Variants in DZIP3 observed in about 807,000 individuals in gnomAD.
DZIP3 encodes E3 ubiquitin-protein ligase DZIP3.
DZIP3 carries 118 observed loss-of-function variants against 162.0 expected under a neutral mutation model. The observed-to-expected ratio is 0.73, with a 90% CI of 0.63 to 0.85. The LOEUF (loss-of-function observed/expected upper bound fraction) is 0.85, where lower values mean the gene tolerates loss of function less well. Ranked by LOEUF, DZIP3 falls within the 40% of genes least tolerant of loss-of-function variation. DZIP3 has a pLI of 0.00. For missense variants in DZIP3, 1,331 were observed against 1,407.0 expected, an observed-to-expected ratio of 0.95 and a Z score of 0.86; for synonymous variants, 438 against 458.6, an observed-to-expected ratio of 0.96 and a Z score of 0.57.
At chr3:108,596,261 C>T (rs1425906017) in intron 1 of DZIP3, among the ~76,000 whole-genome samples, 2 of 152,106 alleles carry the variant, frequency 1.3e-5, no homozygotes, top group Non-Finnish European at 2.9e-5. Flanking sequence ...TCAGCCTTTT[C>T]GTGGAGAGGG....
intron 31 of DZIP3, among the ~76,000 whole-genome samples, 184 bp downstream of exon 31, chr3:108,689,108 T>G (rs1944599830): frequency 6.6e-6 from 1 of 152,182 alleles, no homozygotes; most frequent in East Asian, 1.9e-4. Flanking sequence ...TGCATTGTGC[T>G]CTCTCAGATC....
At chr3:108,676,242 G>C (rs1944104802) in intron 25 of DZIP3, among the ~76,000 whole-genome samples, 1 of 152,048 alleles carries the variant, frequency 6.6e-6, no homozygotes, top group African/African-American at 2.4e-5. Flanking sequence ...TGAGCCAGGT[G>C]CTCACGGTTA....
At chr3:108,691,002 A>G in intron 32 of DZIP3, 99 bp downstream of exon 32, 2 of 938,220 alleles carry the variant, frequency 2.1e-6, no homozygotes, top group Non-Finnish European at 3.2e-6. Flanking sequence ...GTGCTAAAGA[A>G]GCCAGCTAAT....
intron 19 of DZIP3, among the ~76,000 whole-genome samples, chr3:108,657,411 T>C (rs1034153064): frequency 3.9e-5 from 6 of 152,074 alleles, no homozygotes; most frequent in Non-Finnish European, 8.8e-5. Flanking sequence ...AAAGGAGAAA[T>C]AAAATCCTTT....
chr3:108,661,119 G>C (rs1315903758), intron 19 of DZIP3, among the ~76,000 whole-genome samples: 1 of 152,152 alleles, frequency 6.6e-6, no homozygotes, highest in Non-Finnish European at 1.5e-5. Flanking sequence ...ATTTGACCCA[G>C]CCATCCCATT....
chr3:108,691,592 G>T (rs1270173820), intron 32 of DZIP3, among the ~76,000 whole-genome samples: 5 of 152,072 alleles, frequency 3.3e-5, no homozygotes, highest in Non-Finnish European at 7.4e-5. Flanking sequence ...TCTAGAATGA[G>T]GGTCTTATGA....
At chr3:108,626,092 C>G in intron 7 of DZIP3, 123 bp downstream of exon 7, 1 of 1,132,942 alleles carries the variant, frequency 8.8e-7, no homozygotes, top group Non-Finnish European at 1.2e-6. Flanking sequence ...TCCTTTTCTT[C>G]TTTGCCTATT....
chr3:108,642,851 T>G (rs1199401480), intron 13 of DZIP3, among the ~76,000 whole-genome samples: 2 of 152,092 alleles, frequency 1.3e-5, no homozygotes, highest in Non-Finnish European at 2.9e-5. Flanking sequence ...AGCATTAGAG[T>G]ACCCTTACAT....
intron 10 of DZIP3, 111 bp downstream of exon 10, chr3:108,635,083 T>C: frequency 5.1e-6 from 3 of 591,110 alleles, no homozygotes. Context: ...TGCTTTTTAC[T>C]TCCTCCTTTT....
At position 108,669,742 on chromosome 3, in the gene DZIP3, A is replaced by G. The variant is rs148945728; in HGVS notation, c.2485A>G (p.Met829Val). 108 of 1,610,308 alleles carry G rather than the reference A, an allele frequency of 6.7e-5. No homozygotes were observed. The highest frequency in any genetic ancestry group is 8.6e-5 in the Non-Finnish European group (101 of 1,177,680). The stretch of plus-strand genomic sequence containing the variant: ...CAAGAACCTTAAAGAGCAACTTTCT[A>G]TGAAAAGGTACAAACTTAGCTTTTT... ...EIKNLKEQLS[M>V]KRSQWEMEKH... Residue 829 changes from methionine to valine, a missense_variant, in exon 22 of 33, where the codon ATG (methionine) becomes GTG (valine). By Grantham distance (21) the Met-to-Val change is conservative. This residue lies in a region of DZIP3 where 1,278 missense variants were observed against 1,317.1 expected (regional missense o/e 0.97). Transcript: ENST00000361582.
intron 21 of DZIP3, among the ~76,000 whole-genome samples, chr3:108,667,657 A>G (rs1943738510): frequency 6.6e-6 from 1 of 152,124 alleles, no homozygotes; most frequent in African/African-American, 2.4e-5. Context: ...GAAAGGATAC[A>G]TGGGTTCTTT....
chr3:108,620,324 G>A (rs1419869235), intron 5 of DZIP3, among the ~76,000 whole-genome samples: 1 of 152,162 alleles, frequency 6.6e-6, no homozygotes, highest in Non-Finnish European at 1.5e-5. Flanking sequence ...AATCCCAGGT[G>A]CTCAGCATAA....
At chr3:108,689,991 C>T (rs1447447780) in intron 31 of DZIP3, among the ~76,000 whole-genome samples, 1 of 152,134 alleles carries the variant, frequency 6.6e-6, no homozygotes, top group African/African-American at 2.4e-5. Flanking sequence ...GAAGATACAT[C>T]CACAAAATGC....
intron 8 of DZIP3, among the ~76,000 whole-genome samples, chr3:108,631,052 C>CACACACACACACACGCACACAT (rs1168781519): frequency 9.8e-6 from 1 of 102,236 alleles, no homozygotes; most frequent in East Asian, 2.5e-4. Flanking sequence ...CACACACACA[C>CACACACACACACACGCACACAT]ACACTCTCTC....
In DZIP3 at chr3:108,674,107, T is replaced by C; in HGVS notation, c.2619T>C (p.Phe873=). 8.1e-6 allele frequency: 13 copies of C among 1,612,240 alleles called. No homozygotes were observed. Among genetic ancestry groups the C allele is most frequent in the Non-Finnish European group, 1.0e-5 (12 of 1,178,850 alleles). The stretch of plus-strand genomic sequence containing the variant: ...ATTTCTTACAGTGTCGTAGGGATTT[T>C]GGTTTGCTTCATCTAGAGCAGACTG... ...EVYFLQCRRD[F]GLLHLEQTEK... Residue 873 remains phenylalanine, a synonymous_variant, in exon 24 of 33, where the codon TTT becomes TTC. Coordinates refer to ENST00000361582, the MANE Select transcript of DZIP3 (RefSeq NM_014648.4).
intron 3 of DZIP3, among the ~76,000 whole-genome samples, chr3:108,609,967 G>T (rs1336653166): frequency 2.0e-5 from 3 of 152,108 alleles, no homozygotes; most frequent in African/African-American, 7.2e-5. Context: ...CCTTTAGTTT[G>T]AATTATATGC....
At position 108,622,880 on chromosome 3, in the gene DZIP3, C is replaced by CTCTCTCTCTCTCTCTGTG. The variant is rs796232998; in HGVS notation, c.376-1563_376-1562insCTCTCTCTCTCTCTGTGT. On this transcript the variant is annotated intron_variant, in intron 5 of 32. Coordinates refer to ENST00000361582, the MANE Select transcript of DZIP3 (RefSeq NM_014648.4). ...TCTCTCTCTCTCTCTCTCTCTCTCTCTGTGTGTGTGTGTGTGTATGGAGCT... is the reference window on the plus strand; with the variant it reads ...TCTCTCTCTCTCTCTCTCTCTCTCTCTCTCTCTCTCTCTCTGTGTGTGTGTGTGTGTGTGTATGGAGCT... 1.3e-3 allele frequency among the ~76,000 whole-genome samples: 67 copies of CTCTCTCTCTCTCTCTGTG among 53,088 alleles called. 2 individuals are homozygous for CTCTCTCTCTCTCTCTGTG. Among genetic ancestry groups the CTCTCTCTCTCTCTCTGTG allele is most frequent in the African/African-American group, 1.8e-3 (23 of 12,826 alleles). 34.8% of individuals were successfully genotyped at this position (53,088 alleles called of 152,430 possible). A position where few individuals can be genotyped will look rare whatever the true frequency, so the allele number is the denominator to read the frequency against.
At chr3:108,624,101 G>C (rs899833775) in intron 5 of DZIP3, among the ~76,000 whole-genome samples, 1 of 152,056 alleles carries the variant, frequency 6.6e-6, no homozygotes, top group Non-Finnish European at 1.5e-5. Context: ...CCTGATTTTT[G>C]TTTCTATGAA....
intron 5 of DZIP3, among the ~76,000 whole-genome samples, chr3:108,617,938 C>T (rs890371934): frequency 5.3e-5 from 8 of 152,168 alleles, no homozygotes; most frequent in South Asian, 2.1e-4. Flanking sequence ...AAGAGTTTCT[C>T]CCTTGGTAGC....
Sources: allele counts gnomAD v4.1 joint callset (sites outside exome capture counted in the v4.1 genomes callset), GRCh38; gene constraint gnomAD v4.1.1; regional missense constraint gnomAD v4.1.1; transcripts MANE v1.5; gene names NCBI Gene and HGNC (gene_info 2026-07-23, HGNC 2026-07-21).